MCTP1: variants seen among roughly 807,000 people sequenced by gnomAD.
The protein encoded by MCTP1 is multiple C2 and transmembrane domain containing 1.
A neutral mutation model predicts 120.6 loss-of-function variants in MCTP1; 69 were observed. That is an observed-to-expected ratio of 0.57 (90% confidence interval 0.47 to 0.70). MCTP1 has a LOEUF of 0.70. Ranked by LOEUF, MCTP1 falls within the 30% of genes least tolerant of loss-of-function variation. The probability of loss-of-function intolerance (pLI) is 0.00; values close to 1 mark genes in which losing one functional copy is unlikely to be tolerated. For missense variants in MCTP1, 1,203 were observed against 1,248.8 expected (o/e 0.96, Z 0.55); for synonymous variants, 529 against 493.1 (o/e 1.07, Z -0.96).
chr5:95,120,738 G>C (rs1758161526), intron 1 of MCTP1, among the ~76,000 whole-genome samples: 1 of 152,014 alleles, frequency 6.6e-6, no homozygotes, highest in Non-Finnish European at 1.5e-5. Flanking sequence ...ATACTGAATG[G>C]GGAAAAACTG....
chr5:94,941,535 C>T (rs934472608), intron 4 of MCTP1, among the ~76,000 whole-genome samples: 7 of 151,990 alleles, frequency 4.6e-5, no homozygotes, highest in African/African-American at 1.7e-4. Context: ...TGGCTCATTA[C>T]TCTGCTTTCC....
At chr5:94,851,031 ATACTT>A (rs1315251394) in intron 17 of MCTP1, among the ~76,000 whole-genome samples, 2 of 152,112 alleles carry the variant, frequency 1.3e-5, no homozygotes, top group Non-Finnish European at 2.9e-5. Flanking sequence ...AAAATATTGA[ATACTT>A]CAGTTCAGAA....
intron 19 of MCTP1, among the ~76,000 whole-genome samples, chr5:94,738,074 A>C (rs939730138): frequency 2.0e-5 from 3 of 152,368 alleles, no homozygotes; most frequent in South Asian, 2.1e-4. Context: ...ACCTAGTGGC[A>C]CTTGTGGCAA....
intron 17 of MCTP1, among the ~76,000 whole-genome samples, chr5:94,828,381 G>A (rs939184616): frequency 2.6e-5 from 4 of 152,212 alleles, no homozygotes; most frequent in South Asian, 2.1e-4. Flanking sequence ...TGTATGAGGC[G>A]TCTGTCGACC....
intron 1 of MCTP1, among the ~76,000 whole-genome samples, chr5:95,143,561 C>G (rs1760117592): frequency 6.6e-6 from 1 of 152,068 alleles, no homozygotes; most frequent in Non-Finnish European, 1.5e-5. Context: ...CCCTCCCTCC[C>G]TTCCTCCTCT....
intron 17 of MCTP1, among the ~76,000 whole-genome samples, chr5:94,807,784 A>G (rs963517361): frequency 1.1e-4 from 16 of 152,306 alleles, no homozygotes; most frequent in African/African-American, 3.6e-4. Flanking sequence ...GTCATACCCA[A>G]TGAAGAATTT....
chr5:95,284,215 G>C lies in MCTP1; in HGVS notation c.361C>G (p.Leu121Val). ...AAATGCTCGCGGATCCGGCGGCGTAGCGTGGACCCCTGCTCGGCTCTGCCG... is the reference window on the plus strand; with the variant it reads ...AAATGCTCGCGGATCCGGCGGCGTACCGTGGACCCCTGCTCGGCTCTGCCG... ...GAGRAEQGST[L>V]RRRIREHLLP... The change falls in exon 1 of 23, where the codon CTA (leucine) becomes GTA (valine). Residue 121 changes from leucine to valine, a missense_variant. This residue lies in a region of MCTP1 where 463 missense variants were observed against 377.8 expected (regional missense o/e 1.23). Coordinates refer to ENST00000515393, the MANE Select transcript of MCTP1 (RefSeq NM_024717.7). The surrounding 1 kb of genome is among the most constrained non-coding windows in gnomAD (Gnocchi z 5.2). 1 of 1,577,874 alleles carries C rather than the reference G, an allele frequency of 6.3e-7. No homozygotes were observed. Among genetic ancestry groups the C allele is most frequent in the Non-Finnish European group, 8.6e-7 (1 of 1,167,388 alleles).
At chr5:95,077,258 T>G (rs936210439) in intron 1 of MCTP1, among the ~76,000 whole-genome samples, 1 of 152,224 alleles carries the variant, frequency 6.6e-6, no homozygotes, top group Non-Finnish European at 1.5e-5. Context: ...CTTCTGCATC[T>G]TGGTTATTTT....
At chr5:94,798,385 T>C (rs1780509165) in intron 18 of MCTP1, among the ~76,000 whole-genome samples, 1 of 152,106 alleles carries the variant, frequency 6.6e-6, no homozygotes, top group South Asian at 2.1e-4. Flanking sequence ...AAAGAGAAGG[T>C]TGTCTCATAC....
At chr5:95,254,796 C>T (rs1216698945) in intron 1 of MCTP1, among the ~76,000 whole-genome samples, 2 of 152,124 alleles carry the variant, frequency 1.3e-5, no homozygotes, top group African/African-American at 2.4e-5. Flanking sequence ...CTGACACTTC[C>T]ACTCACCAGT....
chr5:95,081,734 T>A, intron 1 of MCTP1: 1 of 1,237,932 alleles, frequency 8.1e-7, no homozygotes, highest in Non-Finnish European at 1.0e-6. Context: ...GGGAAGAGTT[T>A]CCCATTGCAA....
chr5:94,760,632 G>C (rs1399447458), intron 19 of MCTP1, among the ~76,000 whole-genome samples: 2 of 151,632 alleles, frequency 1.3e-5, no homozygotes, highest in Non-Finnish European at 2.9e-5. Context: ...AGAAACATTA[G>C]CTCCAGGCAT....
chr5:95,038,641 C>T (rs1399729440), intron 1 of MCTP1, among the ~76,000 whole-genome samples: 3 of 152,222 alleles, frequency 2.0e-5, no homozygotes, highest in Non-Finnish European at 4.4e-5. Flanking sequence ...GAGCCTAACT[C>T]TCTTCACCAT....
chr5:94,989,970 G>A lies in MCTP1; in HGVS notation c.838+27397C>T, dbSNP rs114332418. 3.4e-3 allele frequency among the ~76,000 whole-genome samples: 521 copies of A among 152,246 alleles called. 3 individuals are homozygous for A. The highest frequency in any genetic ancestry group is 0.012 in the African/African-American group (496 of 41,550). The stretch of plus-strand genomic sequence containing the variant: ...GTTCTGTGCTCACTTCTATTTGGCT[G>A]TTTCTGAGTTGTATCCTTTATAATA... On this transcript the variant is annotated intron_variant, in intron 2 of 22. Coordinates refer to ENST00000515393, the MANE Select transcript of MCTP1 (RefSeq NM_024717.7).
chr5:95,173,416 C>T (rs775023779), intron 1 of MCTP1, among the ~76,000 whole-genome samples: 2 of 151,934 alleles, frequency 1.3e-5, no homozygotes, highest in African/African-American at 4.8e-5. Context: ...GAGAATGAAA[C>T]AAAGACAGAA....
chr5:95,148,601 C>CTGGATTCCT (rs1223928458), intron 1 of MCTP1, among the ~76,000 whole-genome samples: 1 of 152,210 alleles, frequency 6.6e-6, no homozygotes, highest in Non-Finnish European at 1.5e-5. Flanking sequence ...GATCATTTTA[C>CTGGATTCCT]TGGATTCCTT....
At chr5:95,143,617 T>C (rs1582353209) in intron 1 of MCTP1, among the ~76,000 whole-genome samples, 1 of 152,316 alleles carries the variant, frequency 6.6e-6, no homozygotes, top group East Asian at 1.9e-4. Context: ...TCAATTTGTA[T>C]TTAATTTTAG....
intron 19 of MCTP1, chr5:94,739,168 G>T (rs950405456): frequency 5.9e-5 from 9 of 152,172 alleles, no homozygotes; most frequent in Non-Finnish European, 7.3e-5. Context: ...TTGCAGGTTG[G>T]TTGTGATTTA....
intron 3 of MCTP1, among the ~76,000 whole-genome samples, chr5:94,943,633 T>C (rs1416758509): frequency 6.6e-6 from 1 of 152,092 alleles, no homozygotes; most frequent in Non-Finnish European, 1.5e-5. Flanking sequence ...TTCTCAACGC[T>C]TACAGTTTAG....
Sources: allele counts gnomAD v4.1 joint callset (sites outside exome capture counted in the v4.1 genomes callset), GRCh38; gene constraint gnomAD v4.1.1; regional missense constraint gnomAD v4.1.1; non-coding constraint Gnocchi (gnomAD v3.1); transcripts MANE v1.5; gene names NCBI Gene and HGNC (gene_info 2026-07-23, HGNC 2026-07-21).